ADGRG2: variants seen among roughly 807,000 people sequenced by gnomAD.
ADGRG2 encodes the protein G protein-coupled receptor 64.
Under a neutral mutation model 74.1 loss-of-function variants are expected in ADGRG2, and 26 were observed. The observed-to-expected ratio is 0.35, with a 90% CI of 0.26 to 0.49. The LOEUF is 0.49. Ranked by LOEUF, ADGRG2 falls within the 20% of genes least tolerant of loss-of-function variation. ADGRG2 has a pLI of 0.99. For missense variants in ADGRG2, 619 were observed against 763.1 expected (o/e 0.81, Z 2.22); for synonymous variants, 296 against 295.2 (o/e 1.00, Z -0.03).
chrX:18,991,375 G>A (rs148719453), intron 28 of ADGRG2, among the ~76,000 whole-genome samples: 1 of 110,756 alleles, frequency 9.0e-6, no homozygotes, highest in Non-Finnish European at 1.9e-5. Flanking sequence ...GATATGTTTT[G>A]ACTTCAAGTA....
At position 18,999,239 on chromosome X, in the gene ADGRG2, C is replaced by T; in HGVS notation, c.2371G>A (p.Val791Met). The T allele has an allele frequency of 8.3e-7, 1 of 1,208,279 alleles. No homozygotes were observed. The highest frequency in any genetic ancestry group is 1.1e-6 in the Non-Finnish European group (1 of 893,052). ...NNNAVFYITV[V>M]GYFCVIFLLN... is the part of the protein sequence containing the mutation. ...AAAAATATCACACAGAAATATCCCA[C>T]CACCGTAATGTAGAATACTGCATTG... Residue 791 changes from valine (V) to methionine (M), a missense_variant, in exon 26 of 29, where the codon GTG (valine) becomes ATG (methionine). Around this residue, in one of 3 missense-constraint regions of ADGRG2, gnomAD observed 221 missense variants for 340.6 expected, o/e 0.65. Transcript: ENST00000379869.
chrX:19,110,760 C>T (rs747323552), intron 1 of ADGRG2, among the ~76,000 whole-genome samples: 1 of 108,741 alleles, frequency 9.2e-6, no homozygotes, highest in Non-Finnish European at 1.9e-5. Context: ...AAGAACATTC[C>T]AGGCAGAACA....
In ADGRG2 at chrX:19,033,673, A is replaced by T. The variant is rs1216863702; in HGVS notation, c.263-19T>A. 1 of 649,401 alleles carries T rather than the reference A, an allele frequency of 1.5e-6. No homozygotes were observed. The highest frequency in any genetic ancestry group is 2.2e-5 in the African/African-American group (1 of 45,706). 53.5% of individuals were successfully genotyped at this position (649,401 alleles called of 1,213,427 possible). A position where few individuals can be genotyped will look rare whatever the true frequency, so the allele number is the denominator to read the frequency against. On this transcript the variant is annotated intron_variant, in intron 7 of 28. Coordinates refer to ENST00000379869, the MANE Select transcript of ADGRG2 (RefSeq NM_001079858.3). ...GTTTTTTCTGCAAAGAAACAACTTA[A>T]ATATTAGAGAATAATCATTGCTTGT...
chrX:19,094,481 C>G (rs1379753397), intron 1 of ADGRG2, among the ~76,000 whole-genome samples: 2 of 110,824 alleles, frequency 1.8e-5, no homozygotes, highest in African/African-American at 6.6e-5. Context: ...ATGGGAAGGC[C>G]TGCTGTTAAC....
At chrX:19,112,786 C>T (rs1296042381) in intron 1 of ADGRG2, among the ~76,000 whole-genome samples, 6 of 108,462 alleles carry the variant, frequency 5.5e-5, no homozygotes, top group African/African-American at 2.0e-4. Flanking sequence ...GGTAAAACCC[C>T]GTCTCTACTA....
intron 6 of ADGRG2, 39 bp downstream of exon 6, chrX:19,037,428 A>G: frequency 4.1e-6 from 4 of 973,868 alleles, no homozygotes; most frequent in Non-Finnish European, 5.8e-6. Context: ...ATTCATATTA[A>G]GGGTTATCAA....
chrX:19,011,301 T>A (rs1368993988), intron 16 of ADGRG2, among the ~76,000 whole-genome samples: 3 of 111,585 alleles, frequency 2.7e-5, no homozygotes, highest in African/African-American at 9.8e-5. Context: ...AACTTATGTA[T>A]CTTGATTATG....
Position 19,027,303 on chromosome X carries a change from A to G in ADGRG2, c.415-29T>C, listed in dbSNP as rs372352794. Reference sequence around the variant, plus strand: ...TTAGAAGCATAAAATCATTAAGAATATAACAAACATTGTTTTGTTTTTTCA... The same window carrying G: ...TTAGAAGCATAAAATCATTAAGAATGTAACAAACATTGTTTTGTTTTTTCA... On this transcript the variant is annotated intron_variant, in intron 10 of 28. Transcript: ENST00000379869. 5 of 927,956 alleles carry G rather than the reference A, an allele frequency of 5.4e-6. No individual in the cohort carries two copies. In the East Asian group the frequency reaches 9.2e-5, roughly 17 times the overall value. 76.5% of individuals were successfully genotyped at this position (927,956 alleles called of 1,213,427 possible).
chrX:19,112,970 C>T (rs1260599195), intron 1 of ADGRG2, among the ~76,000 whole-genome samples: 112 of 66,063 alleles, frequency 1.7e-3, no homozygotes, highest in African/African-American at 7.1e-3. Context: ...CACAAAACAA[C>T]AACAACAAAA....
intron 11 of ADGRG2, 117 bp from the exon 12 acceptor site, chrX:19,024,065 C>T (rs1018740655): frequency 1.9e-6 from 1 of 516,146 alleles, no homozygotes; most frequent in East Asian, 3.6e-5. Context: ...ATGGTGTTCA[C>T]TTTGAAGAAA....
At chrX:19,016,330 T>C (rs1482379969) in intron 15 of ADGRG2, among the ~76,000 whole-genome samples, 2 of 110,260 alleles carry the variant, frequency 1.8e-5, no homozygotes, top group African/African-American at 6.6e-5. Flanking sequence ...GTATTTCTAA[T>C]GTACAGTTAA....
intron 15 of ADGRG2, among the ~76,000 whole-genome samples, chrX:19,018,066 G>C (rs1001091713): frequency 9.0e-6 from 1 of 111,328 alleles, no homozygotes; most frequent in Admixed American, 9.6e-5. Flanking sequence ...TGATTTTAAG[G>C]CATCAATTCT....
At chrX:19,020,715 A>G (rs2060571265) in intron 14 of ADGRG2, among the ~76,000 whole-genome samples, 1 of 111,835 alleles carries the variant, frequency 8.9e-6, no homozygotes, top group Non-Finnish European at 1.9e-5. Flanking sequence ...GATCCCCAGC[A>G]CTTTGGGAGG....
intron 3 of ADGRG2, among the ~76,000 whole-genome samples, chrX:19,041,328 ATGT>A (rs1271401249): frequency 1.8e-5 from 2 of 112,068 alleles, no homozygotes; most frequent in Non-Finnish European, 3.8e-5. Context: ...AATTCCATAA[ATGT>A]TGTTTGCAAA....
At chrX:19,113,355 C>CTCAA (rs927727332) in intron 1 of ADGRG2, among the ~76,000 whole-genome samples, 4 of 110,917 alleles carry the variant, frequency 3.6e-5, no homozygotes, top group African/African-American at 6.6e-5. Flanking sequence ...TCCAGCCTAT[C>CTCAA]TCAATCAATC....
At chrX:19,116,170 A>G (rs974195674) in intron 1 of ADGRG2, among the ~76,000 whole-genome samples, 9 of 108,707 alleles carry the variant, frequency 8.3e-5, no homozygotes, top group African/African-American at 2.0e-4. Context: ...AGCCATGATC[A>G]TGACACTGCA....
rs780081006 is a variant in ADGRG2, at chrX:19,116,086, C to G, written c.-47+6356G>C. Among the ~76,000 whole-genome samples, 10 of 107,946 alleles carry G rather than the reference C, an allele frequency of 9.3e-5. 1 individual carries two copies. Among genetic ancestry groups the G allele is most frequent in the African/African-American group, 3.4e-4 (10 of 29,467 alleles). The allele number at this position is 107,946 out of a possible 115,157, so 93.7% of individuals were successfully genotyped here. A position where few individuals can be genotyped will look rare whatever the true frequency, so the allele number is the denominator to read the frequency against. ...AATTAGCCAGGCATGGTGGGGCAAGCCTGTAGTGCCTCCAGCTGCTCAGGA... is the reference window on the plus strand; with the variant it reads ...AATTAGCCAGGCATGGTGGGGCAAGGCTGTAGTGCCTCCAGCTGCTCAGGA... On this transcript the variant is annotated intron_variant, in intron 1 of 28. Coordinates refer to ENST00000379869, the MANE Select transcript of ADGRG2 (RefSeq NM_001079858.3).
chrX:19,035,938 T>C lies in ADGRG2; in HGVS notation c.262+4A>G. 4.1e-6 allele frequency: 4 copies of C among 965,733 alleles called. No individual in the cohort carries two copies. The highest frequency in any genetic ancestry group is 2.5e-5 in the Admixed American group (1 of 40,437). The allele number at this position is 965,733 out of a possible 1,213,427, so 79.6% of individuals were successfully genotyped here. ...TATTACATTTAGAAATCACTTGATA[T>C]TACCTGTTTCGTTTGAAGGGAGTAA... On this transcript the variant is annotated splice_donor_region_variant and intron_variant, in intron 7 of 28. Coordinates refer to ENST00000379869, the MANE Select transcript of ADGRG2 (RefSeq NM_001079858.3).
At chrX:19,045,312 A>ATT (rs2061160232) in intron 3 of ADGRG2, among the ~76,000 whole-genome samples, 1 of 103,903 alleles carries the variant, frequency 9.6e-6, no homozygotes, top group East Asian at 3.0e-4. Flanking sequence ...TATTATTATT[A>ATT]TTATTATTAT....
Sources: gnomAD v4.1 joint callset for allele counts (sites outside exome capture counted in the v4.1 genomes callset) on GRCh38, gnomAD v4.1.1 for gene constraint, gnomAD v4.1.1 regional missense constraint, MANE v1.5 for transcripts, NCBI Gene and HGNC (gene_info 2026-07-23, HGNC 2026-07-21) for gene names.